NIPAL1: variants seen among roughly 807,000 people sequenced by gnomAD.
The protein encoded by NIPAL1 is magnesium transporter NIPA3.
NIPAL1 carries 35 observed loss-of-function variants against 37.7 expected under a neutral mutation model. That is an observed-to-expected ratio of 0.93 (90% CI 0.71 to 1.23). The LOEUF (loss-of-function observed/expected upper bound fraction) is 1.23, where lower values mean the gene tolerates loss of function less well. Among genes scored for constraint, NIPAL1 ranks in the 50% most tolerant of loss-of-function variants. The pLI, the probability that NIPAL1 is intolerant of heterozygous loss-of-function variation, is 0.00. For missense variants in NIPAL1, 412 were observed against 473.9 expected (o/e 0.87, Z 1.21); for synonymous variants, 162 against 183.0 (o/e 0.89, Z 0.93).
At chr4:48,028,041 A>C (rs75872095) in intron 2 of NIPAL1, among the ~76,000 whole-genome samples, 2,009 of 152,318 alleles carry the variant, frequency 0.013, 46 homozygotes, top group African/African-American at 0.046. Flanking sequence ...TGATTAAATA[A>C]AATTTCCTAC....
Position 48,035,044 on chromosome 4 carries a change from CTGTGAT to C in NIPAL1, c.622+5_622+10del. The C allele has an allele frequency of 6.2e-7, 1 of 1,612,602 alleles. No individual in the cohort carries two copies. Among genetic ancestry groups the C allele is most frequent in the Non-Finnish European group, 8.5e-7 (1 of 1,178,798 alleles). ...GGAAATGAAATTGAGAGACCCAGGT[CTGTGAT>C]TCAACCTAAAGAACCACTCAAATTC... On this transcript the variant is annotated splice_donor_5th_base_variant and intron_variant, in intron 5 of 5. Coordinates refer to ENST00000295461, the MANE Select transcript of NIPAL1 (RefSeq NM_207330.3).
rs1715990599 is a variant in NIPAL1 at position 48,037,886 on chromosome 4, T to A, written c.*1714T>A. The stretch of plus-strand genomic sequence containing the variant: ...ATTGGCTATCTTATTTTTATAACAA[T>A]CTTATTTTTCTCAAAACAAAAATCC... On this transcript the variant is annotated 3_prime_UTR_variant, in exon 6 of 6. Coordinates refer to ENST00000295461, the MANE Select transcript of NIPAL1 (RefSeq NM_207330.3). 6.6e-6 allele frequency: 1 copy of A among 152,052 alleles called. No homozygotes were observed. The highest frequency in any genetic ancestry group is 6.5e-5 in the Admixed American group (1 of 15,270). 9.4% of individuals were successfully genotyped at this position (152,052 alleles called of 1,614,324 possible). A position where few individuals can be genotyped will look rare whatever the true frequency, so the allele number is the denominator to read the frequency against.
Position 48,035,905 on chromosome 4 carries a change from T to C in NIPAL1, c.966T>C (p.Ser322=), listed in dbSNP as rs756308359. Residue 322 remains serine, a synonymous_variant, in exon 6 of 6, where the codon TCT becomes TCC. Coordinates refer to ENST00000295461, the MANE Select transcript of NIPAL1 (RefSeq NM_207330.3). ...VFFTSMVVTC[S]AILFQEWYGM... is the part of the protein sequence containing the mutation. ...TCACATCCATGGTAGTGACTTGCTC[T>C]GCCATCTTATTCCAAGAGTGGTATG... The C allele has an allele frequency of 1.4e-5, 23 of 1,613,920 alleles. No individual in the cohort carries two copies. Among genetic ancestry groups the C allele is most frequent in the East Asian group, 2.2e-5 (1 of 44,896 alleles).
chr4:48,020,995 T>G (rs1028952238), intron 1 of NIPAL1, among the ~76,000 whole-genome samples: 1 of 152,188 alleles, frequency 6.6e-6, no homozygotes, highest in African/African-American at 2.4e-5. Flanking sequence ...TTTGACAAAT[T>G]ATTTAAAGCA....
chr4:48,035,780 G>A lies in NIPAL1; in HGVS notation c.841G>A (p.Ala281Thr), dbSNP rs1403530321. ...YKHPLVFVLL[A>T]VLVLSVTTQI... The stretch of plus-strand genomic sequence containing the variant: ...ACATCCGCTGGTCTTTGTTTTGCTG[G>A]CTGTACTTGTGCTTTCAGTAACTAC... Residue 281 changes from alanine (A) to threonine (T), a missense_variant, in exon 6 of 6, where the codon GCT becomes ACT. Ala to Thr is a moderately conservative substitution (Grantham distance 58). Transcript: ENST00000295461. 2 of 1,614,070 alleles carry A rather than the reference G, an allele frequency of 1.2e-6. No homozygotes were observed. Among genetic ancestry groups the A allele is most frequent in the African/African-American group, 2.7e-5 (2 of 74,948 alleles).
At chr4:48,034,393 G>A (rs1286476089) in intron 4 of NIPAL1, among the ~76,000 whole-genome samples, 1 of 151,994 alleles carries the variant, frequency 6.6e-6, no homozygotes, top group Non-Finnish European at 1.5e-5. Flanking sequence ...AATTCTTCCA[G>A]TGTGGCCTAG....
Position 48,037,365 on chromosome 4 carries a change from T to A in NIPAL1, c.*1193T>A. The A allele has an allele frequency of 6.1e-6, 2 of 327,348 alleles. No homozygotes were observed. Among genetic ancestry groups the A allele is most frequent in the South Asian group, 4.7e-5 (2 of 42,676 alleles). The allele number at this position is 327,348 out of a possible 1,614,324, so 20.3% of individuals were successfully genotyped here. ...AGGTGAATTCAGCTTTGGAGTCACTTATGTTCATTTTTTTTCCTTTTCTTT... is the reference window on the plus strand; with the variant it reads ...AGGTGAATTCAGCTTTGGAGTCACTAATGTTCATTTTTTTTCCTTTTCTTT... On this transcript the variant is annotated 3_prime_UTR_variant, in exon 6 of 6. Coordinates refer to ENST00000295461, the MANE Select transcript of NIPAL1 (RefSeq NM_207330.3).
At chr4:48,024,523 A>T (rs1043677835) in intron 1 of NIPAL1, among the ~76,000 whole-genome samples, 1 of 152,080 alleles carries the variant, frequency 6.6e-6, no homozygotes, top group South Asian at 2.1e-4. Flanking sequence ...TCAAGCAATC[A>T]TCCCACCTTG....
chr4:48,017,351 G>T (rs1444472254), intron 1 of NIPAL1, among the ~76,000 whole-genome samples: 2 of 152,162 alleles, frequency 1.3e-5, no homozygotes, highest in Non-Finnish European at 2.9e-5. Context: ...GGCTCCCGGG[G>T]ATCGAGCACC....
chr4:48,022,418 G>A (rs1715593309), intron 1 of NIPAL1, among the ~76,000 whole-genome samples: 1 of 152,168 alleles, frequency 6.6e-6, no homozygotes, highest in Admixed American at 6.5e-5. Flanking sequence ...GTTGCAATGA[G>A]AACTTGCAAA....
intron 1 of NIPAL1, among the ~76,000 whole-genome samples, chr4:48,017,380 G>A (rs1158567769): frequency 1.3e-5 from 2 of 152,240 alleles, no homozygotes; most frequent in African/African-American, 2.4e-5. Flanking sequence ...TTGGGCGCCC[G>A]GGGCCGCGGG....
chr4:48,023,887 C>T (rs573516966), intron 1 of NIPAL1, among the ~76,000 whole-genome samples: 4 of 152,020 alleles, frequency 2.6e-5, no homozygotes, highest in Admixed American at 2.6e-4. Context: ...GAAAACTAAA[C>T]CCACTTTTAA....
rs185219023 is a variant in NIPAL1 at position 48,032,984 on chromosome 4, G to T, written c.371-9G>T. 321 of 1,603,476 alleles carry T rather than the reference G, an allele frequency of 2.0e-4. No individual in the cohort carries two copies. In the African/African-American group the frequency reaches 3.8e-3, roughly 19 times the overall value. ...ATTTTTTATATCAATATCTCTGCTT[G>T]CTTTCTAGTGGGAGCAGGAGAGGCT... On this transcript the variant is annotated splice_polypyrimidine_tract_variant and intron_variant, in intron 3 of 5. Transcript: ENST00000295461.
At chr4:48,029,407 C>T (rs897047176) in intron 2 of NIPAL1, among the ~76,000 whole-genome samples, 4 of 152,012 alleles carry the variant, frequency 2.6e-5, no homozygotes, top group African/African-American at 7.2e-5. Context: ...GAATAATGGA[C>T]ATTAGAGATT....
rs901265507 is a variant in NIPAL1, at chr4:48,038,317, T to A, written c.*2145T>A. On this transcript the variant is annotated 3_prime_UTR_variant, in exon 6 of 6. Coordinates refer to ENST00000295461, the MANE Select transcript of NIPAL1 (RefSeq NM_207330.3). ...TGATTGCTGTTTCACTTTACTTGTA[T>A]ATCAGATATATAAGCTATGAACACA... 3 of 152,226 alleles carry A rather than the reference T, an allele frequency of 2.0e-5. No individual in the cohort carries two copies. The highest frequency in any genetic ancestry group is 4.4e-5 in the Non-Finnish European group (3 of 68,048). 9.4% of individuals were successfully genotyped at this position (152,226 alleles called of 1,614,324 possible).
At chr4:48,022,537 G>A (rs927806843) in intron 1 of NIPAL1, among the ~76,000 whole-genome samples, 1 of 151,852 alleles carries the variant, frequency 6.6e-6, no homozygotes, top group African/African-American at 2.4e-5. Context: ...TTGTTTCACT[G>A]GAATGAGATC....
At position 48,037,479 on chromosome 4, in the gene NIPAL1, C is replaced by T. The variant is rs553508581; in HGVS notation, c.*1307C>T. 4.0e-4 allele frequency: 73 copies of T among 181,220 alleles called. No individual in the cohort carries two copies. In the Middle Eastern group the frequency reaches 7.7e-3, roughly 19 times the overall value. 11.2% of individuals were successfully genotyped at this position (181,220 alleles called of 1,614,324 possible). A position where few individuals can be genotyped will look rare whatever the true frequency, so the allele number is the denominator to read the frequency against. ...TATTTCAGGATTATATCCTACATTT[C>T]GATTGCTCTCAAATGTTTTATCCCT... On this transcript the variant is annotated 3_prime_UTR_variant, in exon 6 of 6. Coordinates refer to ENST00000295461, the MANE Select transcript of NIPAL1 (RefSeq NM_207330.3).
chr4:48,032,446 GGATCTCGTTAAGCTACTGA>G (rs1244699558), intron 3 of NIPAL1, among the ~76,000 whole-genome samples: 1 of 152,176 alleles, frequency 6.6e-6, no homozygotes, highest in East Asian at 1.9e-4. Flanking sequence ...ACAGCTGCCT[GGATCTCGTTAAGCTACTGA>G]GATACTGTTA....
In NIPAL1 at chr4:48,016,810, C is replaced by A. The variant is rs754666946; in HGVS notation, c.-30C>A. 31 of 1,554,734 alleles carry A rather than the reference C, an allele frequency of 2.0e-5. No homozygotes were observed. The highest frequency in any genetic ancestry group is 2.5e-5 in the Non-Finnish European group (29 of 1,155,780). ...GAGAGGCCCAGGTGAGGAGCAAGCG[C>A]CCGCGTTCCGGAAGCCCGCTCCCGG... On this transcript the variant is annotated 5_prime_UTR_variant, in exon 1 of 6. Coordinates refer to ENST00000295461, the MANE Select transcript of NIPAL1 (RefSeq NM_207330.3).
Sources: gnomAD v4.1 joint callset for allele counts (sites outside exome capture counted in the v4.1 genomes callset) on GRCh38, gnomAD v4.1.1 for gene constraint, MANE v1.5 for transcripts, NCBI Gene and HGNC (gene_info 2026-07-23, HGNC 2026-07-21) for gene names.